Variants in ATP11C observed in about 807,000 individuals in gnomAD.
ATP11C encodes phospholipid-transporting ATPase IG.
In ATP11C, 36 loss-of-function variants were observed where a neutral mutation model predicts 97.4. The ratio of observed to expected loss-of-function variants is 0.37; its 90% CI spans 0.28 to 0.49. The LOEUF is 0.49. ATP11C is among the 20% of genes least tolerant of loss of function. The probability of loss-of-function intolerance (pLI) is 0.98; values close to 1 mark genes in which losing one functional copy is unlikely to be tolerated. For missense variants in ATP11C, 730 were observed against 824.6 expected (o/e 0.89, Z 1.40); for synonymous variants, 275 against 290.9 (o/e 0.95, Z 0.56).
intron 1 of ATP11C, among the ~76,000 whole-genome samples, chrX:139,879,439 T>C (rs2084528274): frequency 9.0e-6 from 1 of 110,635 alleles, no homozygotes; most frequent in Non-Finnish European, 1.9e-5. Flanking sequence ...AGGCAAATAC[T>C]ATATGGTCTC....
chrX:139,858,781 GATTC>G (rs1295690021), intron 1 of ATP11C, among the ~76,000 whole-genome samples: 1 of 112,192 alleles, frequency 8.9e-6, no homozygotes, highest in Non-Finnish European at 1.9e-5. Context: ...TGATAGAGCT[GATTC>G]ATAGTGATAT....
intron 1 of ATP11C, among the ~76,000 whole-genome samples, chrX:139,875,677 T>C (rs922460115): frequency 1.8e-5 from 2 of 112,068 alleles, no homozygotes; most frequent in African/African-American, 3.2e-5. Flanking sequence ...AGTGTACATT[T>C]TTATATTCAA....
chrX:139,910,934 A>T (rs935588222), intron 1 of ATP11C, among the ~76,000 whole-genome samples: 2 of 112,011 alleles, frequency 1.8e-5, no homozygotes, highest in Non-Finnish European at 3.8e-5. Flanking sequence ...AGAGACCAGA[A>T]CATATGTTAA....
chrX:139,744,115 C>CA (rs999438832), intron 25 of ATP11C, among the ~76,000 whole-genome samples: 17 of 100,774 alleles, frequency 1.7e-4, no homozygotes, highest in South Asian at 4.3e-4. Flanking sequence ...ATGTGCACAT[C>CA]AAAAAAAAAA....
chrX:139,798,521 A>G (rs758605925), intron 9 of ATP11C, among the ~76,000 whole-genome samples, 158 bp downstream of exon 9: 2 of 112,088 alleles, frequency 1.8e-5, no homozygotes, highest in African/African-American at 6.5e-5. Flanking sequence ...AGTATTTGTC[A>G]TATTTCGTCT....
intron 1 of ATP11C, among the ~76,000 whole-genome samples, chrX:139,847,164 T>G (rs756701172): frequency 3.2e-4 from 36 of 111,052 alleles, no homozygotes; most frequent in African/African-American, 1.2e-3. Context: ...ACAAGCAGAT[T>G]GCTTGAGCTC....
rs955727681 is a variant in ATP11C, at chrX:139,799,916, T to G, written c.710+144A>C. The G allele has an allele frequency of 1.0e-5, 5 of 502,372 alleles. No individual in the cohort carries two copies. In the East Asian group the frequency reaches 2.1e-4, roughly 21 times the overall value. 41.4% of individuals were successfully genotyped at this position (502,372 alleles called of 1,213,427 possible). On this transcript the variant is annotated intron_variant, in intron 8 of 29. Coordinates refer to ENST00000682941, the MANE Select transcript of ATP11C (RefSeq NM_001353812.2). The stretch of plus-strand genomic sequence containing the variant: ...ATCCACCCACCTCAGCCTCCCAAAG[T>G]GCTGGGATTACAGGCGTGAGCTACC...
Position 139,932,094 on chromosome X carries a change from A to T in ATP11C, c.-52T>A. 4 of 1,109,498 alleles carry T rather than the reference A, an allele frequency of 3.6e-6. No homozygotes were observed. Among genetic ancestry groups the T allele is most frequent in the Non-Finnish European group, 4.8e-6 (4 of 838,146 alleles). The allele number at this position is 1,109,498 out of a possible 1,213,427, so 91.4% of individuals were successfully genotyped here. Reference sequence around the variant, plus strand: ...CTGGGCTCTACCGGGCTGTCTGGGAAGGCGCCGTCCACAAAACACACTGCG... The same window carrying T: ...CTGGGCTCTACCGGGCTGTCTGGGATGGCGCCGTCCACAAAACACACTGCG... On this transcript the variant is annotated 5_prime_UTR_variant, in exon 1 of 30. Transcript: ENST00000682941.
intron 5 of ATP11C, among the ~76,000 whole-genome samples, chrX:139,812,581 G>A (rs1390588038): frequency 2.3e-4 from 24 of 104,441 alleles, no homozygotes; most frequent in Non-Finnish European, 3.9e-4. Context: ...GTCTCACTCT[G>A]TCACCCAGGC....
chrX:139,891,008 G>C (rs1305260422), intron 1 of ATP11C, among the ~76,000 whole-genome samples: 1 of 110,784 alleles, frequency 9.0e-6, no homozygotes, highest in Non-Finnish European at 1.9e-5. Context: ...GAACCTGATA[G>C]AAAATAGCAT....
chrX:139,728,635 T>C lies in ATP11C; in HGVS notation c.*331A>G, dbSNP rs181214509. On this transcript the variant is annotated 3_prime_UTR_variant, in exon 30 of 30. Transcript: ENST00000682941. ...TATTTAAATCCATTCACAAAGTTCA[T>C]GGGTTAAAAGAGCACCCATTTGAGT... 1 of 252,275 alleles carries C rather than the reference T, an allele frequency of 4.0e-6. No individual in the cohort carries two copies. Among genetic ancestry groups the C allele is most frequent in the African/African-American group, 2.7e-5 (1 of 36,442 alleles). 20.8% of individuals were successfully genotyped at this position (252,275 alleles called of 1,213,427 possible). A position where few individuals can be genotyped will look rare whatever the true frequency, so the allele number is the denominator to read the frequency against.
chrX:139,802,730 A>T (rs2082951758), intron 6 of ATP11C, among the ~76,000 whole-genome samples: 1 of 111,939 alleles, frequency 8.9e-6, no homozygotes, highest in African/African-American at 3.3e-5. Context: ...CAATGGAGAT[A>T]TACACATATG....
chrX:139,826,904 G>A, intron 1 of ATP11C, 81 bp from the exon 2 acceptor site: 1 of 1,019,393 alleles, frequency 9.8e-7, no homozygotes, highest in Non-Finnish European at 1.3e-6. Flanking sequence ...TCTTGTCCAA[G>A]CATGCTGGGC....
intron 1 of ATP11C, among the ~76,000 whole-genome samples, chrX:139,883,809 A>T (rs760636359): frequency 1.8e-5 from 2 of 111,896 alleles, no homozygotes; most frequent in African/African-American, 6.5e-5. Flanking sequence ...ATCAAAACCT[A>T]AATATCACCC....
chrX:139,919,737 T>C (rs997598915), intron 1 of ATP11C, among the ~76,000 whole-genome samples: 9 of 110,625 alleles, frequency 8.1e-5, no homozygotes, highest in Admixed American at 5.8e-4. Flanking sequence ...CTGGCCAATA[T>C]GGTGAAACCC....
chrX:139,742,874 AAAATATATAT>A (rs1437090621), intron 26 of ATP11C, among the ~76,000 whole-genome samples: 27 of 24,180 alleles, frequency 1.1e-3, no homozygotes, highest in African/African-American at 4.4e-3. Context: ...TAAAAAAAAA[AAAATATATAT>A]ATATATATAT....
intron 18 of ATP11C, among the ~76,000 whole-genome samples, chrX:139,778,148 A>C (rs1234770836): frequency 9.0e-6 from 1 of 111,498 alleles, no homozygotes; most frequent in Non-Finnish European, 1.9e-5. Flanking sequence ...AAGCCACCAT[A>C]CCTGGCCTTT....
intron 1 of ATP11C, among the ~76,000 whole-genome samples, chrX:139,908,218 C>A (rs1369673672): frequency 9.0e-6 from 1 of 111,285 alleles, no homozygotes; most frequent in East Asian, 2.8e-4. Flanking sequence ...GACTCTTGCC[C>A]AACTCAGGGT....
intron 1 of ATP11C, among the ~76,000 whole-genome samples, chrX:139,871,307 C>A (rs1180450368): frequency 9.5e-6 from 1 of 105,355 alleles, no homozygotes; most frequent in Non-Finnish European, 1.9e-5. Context: ...CTCCCAGGTT[C>A]AAGCGACTCT....
Sources: allele counts gnomAD v4.1 joint callset (sites outside exome capture counted in the v4.1 genomes callset), GRCh38; gene constraint gnomAD v4.1.1; transcripts MANE v1.5; gene names NCBI Gene and HGNC (gene_info 2026-07-23, HGNC 2026-07-21).